FAF1: variants seen among roughly 807,000 people sequenced by gnomAD.
FAF1 encodes the protein FAS-associated factor 1.
Under a neutral mutation model 92.5 loss-of-function variants are expected in FAF1, and 25 were observed. The ratio of observed to expected loss-of-function variants is 0.27; its 90% confidence interval spans 0.20 to 0.38. The LOEUF (loss-of-function observed/expected upper bound fraction) is 0.38, where lower values mean the gene tolerates loss of function less well. Ranked by LOEUF, FAF1 falls within the 10% of genes least tolerant of loss-of-function variation. The pLI is 1.00. For synonymous variants in FAF1, 234 were observed against 273.2 expected, an observed-to-expected ratio of 0.86 and a Z score of 1.42; for missense variants, 636 against 793.3, an observed-to-expected ratio of 0.80 and a Z score of 2.38.
At chr1:50,646,003 G>T (rs1654565231) in intron 8 of FAF1, among the ~76,000 whole-genome samples, 1 of 152,082 alleles carries the variant, frequency 6.6e-6, no homozygotes, top group Admixed American at 6.6e-5. Context: ...CTTCTAATCT[G>T]CAACCATTTT....
intron 18 of FAF1, among the ~76,000 whole-genome samples, chr1:50,455,751 G>T (rs1646343527): frequency 6.6e-6 from 1 of 152,102 alleles, no homozygotes; most frequent in African/African-American, 2.4e-5. Flanking sequence ...TTAAAATTTT[G>T]CCCCAGGAGA....
At chr1:50,745,596 C>T (rs554473955) in intron 4 of FAF1, among the ~76,000 whole-genome samples, 27 of 152,048 alleles carry the variant, frequency 1.8e-4, no homozygotes, top group Non-Finnish European at 3.5e-4. Context: ...GCTACCTTTC[C>T]TCTCTCTTCA....
At chr1:50,654,395 G>A (rs1376220263) in intron 8 of FAF1, among the ~76,000 whole-genome samples, 2 of 152,052 alleles carry the variant, frequency 1.3e-5, no homozygotes, top group Non-Finnish European at 2.9e-5. Context: ...TTAGGTATCT[G>A]GTTAGAATAA....
chr1:50,708,059 C>T (rs1453804320), intron 6 of FAF1, among the ~76,000 whole-genome samples: 1 of 152,200 alleles, frequency 6.6e-6, no homozygotes, highest in East Asian at 1.9e-4. Flanking sequence ...CCACCCACCT[C>T]AGCCTCACAA....
intron 15 of FAF1, among the ~76,000 whole-genome samples, chr1:50,523,330 G>A (rs1572806012): frequency 6.6e-6 from 1 of 152,260 alleles, no homozygotes; most frequent in East Asian, 1.9e-4. Flanking sequence ...AACTTTTTGA[G>A]TAGTCAACAA....
At chr1:50,475,357 T>C (rs1224495042) in intron 18 of FAF1, 107 bp downstream of exon 18, 2 of 809,578 alleles carry the variant, frequency 2.5e-6, no homozygotes, top group Non-Finnish European at 4.1e-6. Context: ...CCTGTTTGTC[T>C]TGTAGTTGCC....
At chr1:50,540,231 C>G (rs1648699495) in intron 13 of FAF1, among the ~76,000 whole-genome samples, 1 of 152,118 alleles carries the variant, frequency 6.6e-6, no homozygotes, top group South Asian at 2.1e-4. Flanking sequence ...CTCGGCCTCC[C>G]AAAGTGCTGG....
chr1:50,561,882 G>GAAGGAAGA (rs1553227098), intron 13 of FAF1, among the ~76,000 whole-genome samples: 2,016 of 145,204 alleles, frequency 0.014, 69 homozygotes, highest in African/African-American at 0.047. Context: ...AGGAAGGAAG[G>GAAGGAAGA]AAGGAAGGAA....
intron 6 of FAF1, among the ~76,000 whole-genome samples, chr1:50,709,710 G>A (rs997750351): frequency 1.3e-5 from 2 of 152,112 alleles, no homozygotes; most frequent in East Asian, 1.9e-4. Context: ...CTGCTTGGGC[G>A]ATACAAGGTG....
At chr1:50,879,020 C>A (rs1644591354) in intron 1 of FAF1, among the ~76,000 whole-genome samples, 1 of 152,132 alleles carries the variant, frequency 6.6e-6, no homozygotes, top group South Asian at 2.1e-4. Flanking sequence ...CCAAGGTGGG[C>A]AGATCACTTG....
chr1:50,721,558 T>C (rs1292899736), intron 6 of FAF1, among the ~76,000 whole-genome samples: 1 of 152,090 alleles, frequency 6.6e-6, no homozygotes, highest in Non-Finnish European at 1.5e-5. Context: ...TACTTACATA[T>C]ATAAAGTTTT....
intron 6 of FAF1, among the ~76,000 whole-genome samples, chr1:50,722,069 T>C (rs1658432589): frequency 6.6e-6 from 1 of 152,230 alleles, no homozygotes; most frequent in African/African-American, 2.4e-5. Context: ...AAAAACCTAC[T>C]GTTTTTTTCT....
At chr1:50,592,347 C>A (rs1484019391) in intron 9 of FAF1, among the ~76,000 whole-genome samples, 1 of 152,022 alleles carries the variant, frequency 6.6e-6, no homozygotes, top group Non-Finnish European at 1.5e-5. Flanking sequence ...TCCCAAGGAG[C>A]CAGGGTCAAC....
chr1:50,641,969 A>G (rs1654352188), intron 8 of FAF1, among the ~76,000 whole-genome samples: 1 of 151,400 alleles, frequency 6.6e-6, no homozygotes, highest in Admixed American at 6.6e-5. Flanking sequence ...TTGGGAGGCC[A>G]AGACAGGTGG....
chr1:50,848,664 T>A (rs1342289268), intron 2 of FAF1, among the ~76,000 whole-genome samples: 3 of 152,176 alleles, frequency 2.0e-5, no homozygotes, highest in Non-Finnish European at 4.4e-5. Flanking sequence ...CCTGTTACAC[T>A]ATGAAAAATA....
At chr1:50,542,585 A>G (rs1648809007) in intron 13 of FAF1, among the ~76,000 whole-genome samples, 1 of 152,234 alleles carries the variant, frequency 6.6e-6, no homozygotes, top group Non-Finnish European at 1.5e-5. Context: ...CAAAGTTGTC[A>G]ACCCAACTGC....
At chr1:50,743,763 T>A (rs2124494597) in intron 5 of FAF1, among the ~76,000 whole-genome samples, 1 of 151,810 alleles carries the variant, frequency 6.6e-6, no homozygotes, top group East Asian at 1.9e-4. Flanking sequence ...CTTTCTCCAC[T>A]CTCTCTGGAA....
intron 1 of FAF1, among the ~76,000 whole-genome samples, chr1:50,908,512 T>G (rs1197844068): frequency 6.6e-6 from 1 of 152,188 alleles, no homozygotes; most frequent in African/African-American, 2.4e-5. Flanking sequence ...CGTCTAAGTC[T>G]CTTTGTAGGT....
At chr1:50,446,683 T>C (rs1646231059) in intron 18 of FAF1, among the ~76,000 whole-genome samples, 1 of 152,234 alleles carries the variant, frequency 6.6e-6, no homozygotes, top group South Asian at 2.1e-4. Context: ...GTGAGGAAGT[T>C]AGATCTTTTA....
Sources: gnomAD v4.1 joint callset for allele counts (sites outside exome capture counted in the v4.1 genomes callset) on GRCh38, gnomAD v4.1.1 for gene constraint, MANE v1.5 for transcripts, NCBI Gene and HGNC (gene_info 2026-07-23, HGNC 2026-07-21) for gene names.